Variants in TMEM232 observed in about 807,000 individuals in gnomAD.
TMEM232 encodes transmembrane protein 232.
TMEM232 carries 80 observed loss-of-function variants against 78.8 expected under a neutral mutation model. The ratio of observed to expected loss-of-function variants is 1.01; its 90% CI spans 0.85 to 1.22. TMEM232 has a LOEUF of 1.22. Ranked by LOEUF, TMEM232 falls within the 50% of genes most tolerant of loss-of-function variation. The pLI is 0.00. For missense variants in TMEM232, 881 were observed against 742.2 expected (o/e 1.19, Z -2.17); for synonymous variants, 297 against 254.3 (o/e 1.17, Z -1.60).
chr5:110,424,268 G>A (rs1042538017), intron 13 of TMEM232, among the ~76,000 whole-genome samples: 55 of 152,168 alleles, frequency 3.6e-4, no homozygotes, highest in African/African-American at 1.2e-3. Flanking sequence ...AACCAGAAAA[G>A]CATTTTCTCT....
rs1380310746 is a variant in TMEM232 at position 110,483,676 on chromosome 5, C to A, written c.1703+44912G>T. ...ATGATGAGTTAATGGGTGCAGCACA[C>A]CAACATGGCACATGTATACATATGT... On this transcript the variant is annotated intron_variant, in intron 12 of 13. Coordinates refer to ENST00000455884, the MANE Select transcript of TMEM232 (RefSeq NM_001039763.4). Among the ~76,000 whole-genome samples the A allele has an allele frequency of 2.0e-5, 3 of 151,930 alleles. No individual in the cohort carries two copies. The East Asian group carries it at 5.8e-4, about 30-fold the overall frequency.
intron 1 of TMEM232, among the ~76,000 whole-genome samples, chr5:110,674,486 A>G (rs1342468548): frequency 3.3e-5 from 5 of 152,242 alleles, no homozygotes; most frequent in African/African-American, 9.6e-5. Flanking sequence ...TGCTAAAACC[A>G]AAGTATATTA....
rs1786158123 is a variant in TMEM232, at chr5:110,638,221, A to C, written c.478T>G (p.Ser160Ala). 1.9e-6 allele frequency: 3 copies of C among 1,544,430 alleles called. No homozygotes were observed. Among genetic ancestry groups the C allele is most frequent in the Admixed American group, 4.0e-5 (2 of 49,672 alleles). Reference protein sequence around the residue: ...CDASLKTYLYSVEIKLAKIGY... With the variant: ...CDASLKTYLYAVEIKLAKIGY... ...ACCTTTGCTAGCTTTATTTCAACTG[A>C]ATATAAATATGTTTTGAGGGATGCA... Residue 160 changes from serine to alanine, a missense_variant, in exon 5 of 14, where the codon TCA becomes GCA. Ser to Ala is a moderately conservative substitution (Grantham distance 99). Transcript: ENST00000455884.
rs1249785517 is a variant in TMEM232 at position 110,618,362 on chromosome 5, G to A, written c.902+67C>T. The A allele has an allele frequency of 2.6e-6, 4 of 1,526,670 alleles. No homozygotes were observed. In the African/African-American group the frequency reaches 4.2e-5, roughly 16 times the overall value. The allele number at this position is 1,526,670 out of a possible 1,614,324, so 94.6% of individuals were successfully genotyped here. ...GGTGTGATTAACATTTAGGTACAAG[G>A]GTTATTTAACATTTAAGCACAAAGA... On this transcript the variant is annotated intron_variant, in intron 8 of 13. Transcript: ENST00000455884.
At chr5:110,411,625 C>G (rs941557495) in intron 2 of TMEM232, among the ~76,000 whole-genome samples, 4 of 152,090 alleles carry the variant, frequency 2.6e-5, no homozygotes, top group Admixed American at 6.6e-5. Flanking sequence ...CTCCTGAAAC[C>G]ACCATTCTAC....
At chr5:110,572,254 T>C (rs932639307) in intron 10 of TMEM232, among the ~76,000 whole-genome samples, 21 of 152,040 alleles carry the variant, frequency 1.4e-4, no homozygotes, top group Admixed American at 1.0e-3. Context: ...CAATGTCCTG[T>C]AGTTTGTTGT....
intron 2 of TMEM232, among the ~76,000 whole-genome samples, chr5:110,656,391 T>A (rs1269592048): frequency 6.6e-6 from 1 of 152,176 alleles, no homozygotes; most frequent in East Asian, 1.9e-4. Flanking sequence ...AACACAGCCT[T>A]ATATCCTTAT....
In TMEM232 at chr5:110,470,176, G is replaced by A. The variant is rs117281101; in HGVS notation, c.1704-45260C>T. On this transcript the variant is annotated intron_variant, in intron 12 of 13. Coordinates refer to ENST00000455884, the MANE Select transcript of TMEM232 (RefSeq NM_001039763.4). ...CTGTTTCATGCAGTGCAGCTGTACC[G>A]TGCTCCCTGGACCCAAACATCTAGA... 8.6e-4 allele frequency among the ~76,000 whole-genome samples: 131 copies of A among 152,110 alleles called. 2 individuals carry two copies. The East Asian group carries it at 0.018, about 21-fold the overall frequency.
At chr5:110,598,511 A>C (rs193181555) in intron 10 of TMEM232, among the ~76,000 whole-genome samples, 3 of 151,970 alleles carry the variant, frequency 2.0e-5, no homozygotes, top group Admixed American at 2.0e-4. Flanking sequence ...CCATTACTGG[A>C]TATATACCCA....
chr5:110,672,815 A>G (rs1580608936), intron 1 of TMEM232, among the ~76,000 whole-genome samples: 1 of 151,972 alleles, frequency 6.6e-6, no homozygotes, highest in East Asian at 1.9e-4. Context: ...AGAATTTAGT[A>G]CTATTATTTT....
intron 8 of TMEM232, among the ~76,000 whole-genome samples, chr5:110,611,032 A>C (rs577509579): frequency 1.3e-5 from 2 of 152,258 alleles, no homozygotes; most frequent in East Asian, 3.9e-4. Flanking sequence ...GAAGAAAAAT[A>C]GGTAAGTTTT....
chr5:110,648,771 C>T (rs892832119), intron 2 of TMEM232, among the ~76,000 whole-genome samples: 4 of 152,094 alleles, frequency 2.6e-5, no homozygotes, highest in Non-Finnish European at 5.9e-5. Flanking sequence ...AATCTTTGGG[C>T]TCTCCTAAAC....
At chr5:110,496,844 G>A (rs1323962105) in intron 12 of TMEM232, among the ~76,000 whole-genome samples, 2 of 151,966 alleles carry the variant, frequency 1.3e-5, no homozygotes. Context: ...ATAATTCTAT[G>A]TCACTCAGCT....
chr5:110,693,575 C>G (rs964626901), intron 1 of TMEM232, among the ~76,000 whole-genome samples: 4 of 152,088 alleles, frequency 2.6e-5, no homozygotes, highest in African/African-American at 9.7e-5. Context: ...AGATGAATGG[C>G]TAACTAGAAT....
At chr5:110,459,429 T>A (rs968967835) in intron 12 of TMEM232, among the ~76,000 whole-genome samples, 7 of 152,144 alleles carry the variant, frequency 4.6e-5, no homozygotes, top group Non-Finnish European at 1.0e-4. Flanking sequence ...ATAAGTCCTG[T>A]TTTTTATCTT....
chr5:110,617,274 AG>A (rs2149886757), intron 8 of TMEM232, among the ~76,000 whole-genome samples: 1 of 152,306 alleles, frequency 6.6e-6, no homozygotes, highest in East Asian at 1.9e-4. Context: ...ATGGGGAGTA[AG>A]GAAGATGGGC....
chr5:110,415,325 C>T (rs1015212490), downstream of TMEM232, among the ~76,000 whole-genome samples: 1 of 151,756 alleles, frequency 6.6e-6, no homozygotes, highest in Non-Finnish European at 1.5e-5. Context: ...GTAGCTGGGA[C>T]TACAGGCGCC....
At chr5:110,738,159 T>A, upstream of TMEM232, 1 of 1,202,214 alleles carries the variant, frequency 8.3e-7, no homozygotes, top group African/African-American at 1.6e-5. Flanking sequence ...TTCCAACGAG[T>A]TGAAGGAACA....
chr5:110,625,538 G>A (rs1480408094), intron 6 of TMEM232, 105 bp from the exon 7 acceptor site: 1 of 1,014,514 alleles, frequency 9.9e-7, no homozygotes, highest in Non-Finnish European at 1.3e-6. Context: ...GTACTTAGAT[G>A]CAGAAACTGC....
Sources: gnomAD v4.1 joint callset for allele counts (sites outside exome capture counted in the v4.1 genomes callset) on GRCh38, gnomAD v4.1.1 for gene constraint, MANE v1.5 for transcripts, NCBI Gene and HGNC (gene_info 2026-07-23, HGNC 2026-07-21) for gene names.